The following DCAF8L2 variants were observed in gnomAD, a reference collection of about 807,000 sequenced individuals.
DCAF8L2 encodes the protein DDB1 and CUL4 associated factor 8 like 2, also known as DDB1- and CUL4-associated factor 8-like protein 2.
For synonymous variants in DCAF8L2, 200 were observed against 190.9 expected (o/e 1.05, Z -0.39); for missense variants, 430 against 490.7 (o/e 0.88, Z 1.17).
chrX:27,663,665 A>G (rs1412397285), intron 2 of DCAF8L2, among the ~76,000 whole-genome samples: 1 of 109,404 alleles, frequency 9.1e-6, no homozygotes, highest in Admixed American at 9.9e-5. Context: ...ACTCCCTGAG[A>G]CACAACAATG....
the DCAF8L2 span, among the ~76,000 whole-genome samples, chrX:27,482,401 G>A: frequency 1.2e-4 from 13 of 111,298 alleles, no homozygotes; most frequent in African/African-American, 3.9e-4. Context: ...ATGGAAATGA[G>A]CTAATTAAAG....
intron 4 of DCAF8L2, among the ~76,000 whole-genome samples, chrX:27,722,080 A>G (rs2147299581): frequency 1.8e-5 from 2 of 112,063 alleles, no homozygotes; most frequent in South Asian, 7.2e-4. Flanking sequence ...ACAAAAAGGA[A>G]AACCACAGAA....
chrX:27,721,702 TAGG>T (rs1232348316), intron 4 of DCAF8L2, among the ~76,000 whole-genome samples: 6 of 111,543 alleles, frequency 5.4e-5, no homozygotes, highest in Non-Finnish European at 1.1e-4. Context: ...TAAGAAATAA[TAGG>T]AGGCAATCAA....
Position 27,599,198 on chromosome X carries a change from G to A in DCAF8L2, c.-342+8758G>A, listed in dbSNP as rs1308135526. Among the ~76,000 whole-genome samples, 3 of 110,852 alleles carry A rather than the reference G, an allele frequency of 2.7e-5. No individual in the cohort carries two copies. In the East Asian group the frequency reaches 8.4e-4, roughly 31 times the overall value. On this transcript the variant is annotated intron_variant, in intron 1 of 4. Transcript: ENST00000451261. ...ATATTATTCGTCCTTTAAAAAGAAG[G>A]AAATCCTGTCATTTGTGACAATATT...
At position 27,671,147 on chromosome X, in the gene DCAF8L2, C is replaced by T. The variant is rs928770568; in HGVS notation, c.-219-6689C>T. 2.7e-5 allele frequency among the ~76,000 whole-genome samples: 3 copies of T among 111,615 alleles called. No homozygotes were observed. In the South Asian group the frequency reaches 1.1e-3, roughly 42 times the overall value. ...TCTGTTATGTTAACATAATCACAGG[C>T]ATGGCCGCTTAACAATCTGTAATCC... On this transcript the variant is annotated intron_variant, in intron 2 of 4. Transcript: ENST00000451261.
chrX:27,573,233 A>ATCTCTCTC, the DCAF8L2 span, among the ~76,000 whole-genome samples: 1,277 of 83,499 alleles, frequency 0.015, 10 homozygotes, highest in African/African-American at 0.037. Context: ...TATTTAAGAA[A>ATCTCTCTC]TCTCTCTCTC....
chrX:27,747,290 A>C lies in DCAF8L2; in HGVS notation c.395A>C (p.Glu132Ala), dbSNP rs1602824533. The change falls in exon 5 of 5, where the codon GAG becomes GCG. Residue 132 changes from glutamate to alanine, a missense_variant. Coordinates refer to ENST00000451261, the MANE Select transcript of DCAF8L2 (RefSeq NM_001353450.2). The part of the protein sequence containing the change: ...EEGGEEEEEE[E>A]EEEEEEEEEE... ...GGAGGGGAGGAGGAGGAAGAGGAGG[A>C]GGAGGAGGAGGAGGAGGAGGAGGAG... is the stretch of plus-strand genomic sequence containing the variant. 2 of 524,017 alleles carry C rather than the reference A, an allele frequency of 3.8e-6. No individual in the cohort carries two copies. Among genetic ancestry groups the C allele is most frequent in the Admixed American group, 1.3e-4 (2 of 15,629 alleles). The allele number at this position is 524,017 out of a possible 1,213,427, so 43.2% of individuals were successfully genotyped here. A position where few individuals can be genotyped will look rare whatever the true frequency, so the allele number is the denominator to read the frequency against.
the DCAF8L2 span, among the ~76,000 whole-genome samples, chrX:27,503,636 T>A: frequency 9.0e-6 from 1 of 111,539 alleles, no homozygotes; most frequent in Admixed American, 9.6e-5. Context: ...TTCTCTGTTT[T>A]GTTCCATTAT....
chrX:27,549,450 C>A, the DCAF8L2 span, among the ~76,000 whole-genome samples: 1 of 111,501 alleles, frequency 9.0e-6, no homozygotes, highest in Non-Finnish European at 1.9e-5. Context: ...AGGAAGTAAA[C>A]TTTAAATAAG....
At chrX:27,694,284 T>A (rs1485876138) in intron 3 of DCAF8L2, among the ~76,000 whole-genome samples, 2 of 111,289 alleles carry the variant, frequency 1.8e-5, no homozygotes, top group African/African-American at 6.5e-5. Context: ...GTATCATCCA[T>A]ACCTCAAACC....
the DCAF8L2 span, among the ~76,000 whole-genome samples, chrX:27,526,082 G>C: frequency 6.2e-4 from 69 of 111,769 alleles, no homozygotes; most frequent in African/African-American, 2.2e-3. Flanking sequence ...TGCCTTACTA[G>C]GTTGGGGAAG....
the DCAF8L2 span, among the ~76,000 whole-genome samples, chrX:27,539,528 AATACTAC>A: frequency 8.9e-6 from 1 of 111,948 alleles, no homozygotes; most frequent in Non-Finnish European, 1.9e-5. Context: ...CTGAATATTG[AATACTAC>A]ATACATGTGG....
At chrX:27,653,490 A>G (rs1418530564) in intron 2 of DCAF8L2, among the ~76,000 whole-genome samples, 3 of 111,156 alleles carry the variant, frequency 2.7e-5, no homozygotes, top group Non-Finnish European at 3.8e-5. Context: ...GCTTCCTAAA[A>G]CAAAATAAGC....
At chrX:27,688,504 A>G (rs1395516581) in intron 3 of DCAF8L2, among the ~76,000 whole-genome samples, 1 of 112,063 alleles carries the variant, frequency 8.9e-6, no homozygotes, top group Non-Finnish European at 1.9e-5. Context: ...CAAAAGGACA[A>G]CTATGAGTAT....
At chrX:27,607,995 T>C (rs1009689061) in intron 1 of DCAF8L2, among the ~76,000 whole-genome samples, 1 of 111,840 alleles carries the variant, frequency 8.9e-6, no homozygotes, top group Non-Finnish European at 1.9e-5. Context: ...ATAGTTAATA[T>C]GTAATAATAT....
upstream of DCAF8L2, among the ~76,000 whole-genome samples, chrX:27,589,505 A>G (rs1251727898): frequency 9.4e-6 from 1 of 106,343 alleles, no homozygotes; most frequent in African/African-American, 3.9e-5. Context: ...AATCAGCTTC[A>G]TAGCTTCATA....
At chrX:27,684,553 C>T (rs1930435300) in intron 3 of DCAF8L2, among the ~76,000 whole-genome samples, 1 of 111,509 alleles carries the variant, frequency 9.0e-6, no homozygotes, top group Non-Finnish European at 1.9e-5. Context: ...GCATATACAA[C>T]TTCCCTAATG....
At chrX:27,644,383 T>G (rs190662279) in intron 2 of DCAF8L2, among the ~76,000 whole-genome samples, 1 of 111,728 alleles carries the variant, frequency 9.0e-6, no homozygotes, top group African/African-American at 3.2e-5. Flanking sequence ...AATTACTGTA[T>G]GTCAAGTGAA....
chrX:27,576,223 G>C, the DCAF8L2 span, among the ~76,000 whole-genome samples: 10,486 of 111,336 alleles, frequency 0.094, 392 homozygotes, highest in Non-Finnish European at 0.12. Flanking sequence ...TATTCAACTT[G>C]TCTAATGTAT....
Sources: gnomAD v4.1 joint callset for allele counts (sites outside exome capture counted in the v4.1 genomes callset) on GRCh38, gnomAD v4.1.1 for gene constraint, MANE v1.5 for transcripts, NCBI Gene and HGNC (gene_info 2026-07-23, HGNC 2026-07-21) for gene names.